Variants in NFIB observed in about 807,000 individuals in gnomAD.
NFIB encodes nuclear factor 1 B-type.
In NFIB, 11 loss-of-function variants were observed where a neutral mutation model predicts 61.5. The ratio of observed to expected loss-of-function variants is 0.18; its 90% confidence interval spans 0.11 to 0.30. The LOEUF is 0.30. Ranked by LOEUF, NFIB falls within the 10% of genes least tolerant of loss-of-function variation. NFIB has a pLI of 1.00. For synonymous variants in NFIB, 260 were observed against 216.5 expected, an observed-to-expected ratio of 1.20 and a Z score of -1.76; for missense variants, 471 against 608.9, an observed-to-expected ratio of 0.77 and a Z score of 2.38.
intron 5 of NFIB, 121 bp from the exon 6 acceptor site, chr9:14,146,928 G>A: frequency 1.6e-6 from 2 of 1,282,492 alleles, no homozygotes; most frequent in Non-Finnish European, 2.2e-6. Context: ...TAATAATGGT[G>A]AGTATAATGG....
At chr9:14,305,528 CATT>C (rs1239715369) in intron 2 of NFIB, among the ~76,000 whole-genome samples, 1 of 152,162 alleles carries the variant, frequency 6.6e-6, no homozygotes, top group African/African-American at 2.4e-5. Context: ...CCCAAACCAT[CATT>C]ATTTGGACTG....
chr9:14,356,793 C>G (rs2061181262), intron 1 of NFIB, among the ~76,000 whole-genome samples: 1 of 152,102 alleles, frequency 6.6e-6, no homozygotes, highest in South Asian at 2.1e-4. Flanking sequence ...TAGTGCATGC[C>G]ATACCAGTGG....
At chr9:14,463,012 G>C in the NFIB span, among the ~76,000 whole-genome samples, 1 of 152,008 alleles carries the variant, frequency 6.6e-6, no homozygotes, top group African/African-American at 2.4e-5. Context: ...CAATGGTAGA[G>C]TTTTCACAAA....
intron 6 of NFIB, among the ~76,000 whole-genome samples, chr9:14,142,594 T>C (rs1292101172): frequency 6.6e-6 from 1 of 151,428 alleles, no homozygotes; most frequent in Non-Finnish European, 1.5e-5. Flanking sequence ...TAAAGAAAAA[T>C]TTCAAAAAAA....
At chr9:14,203,576 C>T (rs2049295974) in intron 2 of NFIB, among the ~76,000 whole-genome samples, 3 of 151,474 alleles carry the variant, frequency 2.0e-5, no homozygotes, top group Admixed American at 6.6e-5. Context: ...GCCAGGAGCT[C>T]TCCGCGCGGG....
intron 2 of NFIB, among the ~76,000 whole-genome samples, chr9:14,274,924 T>G (rs1300774349): frequency 6.6e-6 from 1 of 152,148 alleles, no homozygotes; most frequent in African/African-American, 2.4e-5. Flanking sequence ...GTGAACTGTA[T>G]AGTAAGGTGG....
rs117838474 is a variant in NFIB at position 14,218,863 on chromosome 9, A to G, written c.563-39083T>C. On this transcript the variant is annotated intron_variant, in intron 2 of 10. Transcript: ENST00000380953. ...GTACCCTCCTTTTAACTTCTCCATC[A>G]TCAAAAGACATTTATTAAGTACCTA... Among the ~76,000 whole-genome samples the G allele has an allele frequency of 1.6e-3, 248 of 152,276 alleles. 8 individuals carry two copies. In the East Asian group the frequency reaches 0.045, roughly 28 times the overall value.
At chr9:14,219,750 T>C (rs1206902928) in intron 2 of NFIB, among the ~76,000 whole-genome samples, 2 of 152,196 alleles carry the variant, frequency 1.3e-5, no homozygotes, top group Non-Finnish European at 2.9e-5. Flanking sequence ...ATACTACATT[T>C]GATGGGATAT....
rs960514516 is a variant in NFIB, at chr9:14,082,785, GA to G, written c.*5523del. On this transcript the variant is annotated 3_prime_UTR_variant, in exon 11 of 11. Coordinates refer to ENST00000380953, the MANE Select transcript of NFIB (RefSeq NM_001190737.2). ...CCATACTTCTTAAAAAAAAAAAAAA[GA>G]AAAAAAAAGACTTCCTTCTGCATAA... is the stretch of plus-strand genomic sequence containing the variant. 13 of 165,616 alleles carry G rather than the reference GA, an allele frequency of 7.8e-5. No individual in the cohort carries two copies. The highest frequency in any genetic ancestry group is 1.4e-4 in the African/African-American group (5 of 36,130). 10.3% of individuals were successfully genotyped at this position (165,616 alleles called of 1,614,324 possible).
intron 3 of NFIB, among the ~76,000 whole-genome samples, chr9:14,171,345 T>C (rs1031378239): frequency 6.6e-6 from 1 of 152,242 alleles, no homozygotes; most frequent in African/African-American, 2.4e-5. Flanking sequence ...TTATCCAAAC[T>C]GTTCCATGCA....
At chr9:14,193,355 TATG>T (rs1303040521) in intron 2 of NFIB, among the ~76,000 whole-genome samples, 1 of 152,154 alleles carries the variant, frequency 6.6e-6, no homozygotes, top group Admixed American at 6.6e-5. Flanking sequence ...TTTTGTAAAA[TATG>T]ATACATTTAC....
the NFIB span, among the ~76,000 whole-genome samples, chr9:14,511,154 T>G: frequency 6.0e-3 from 919 of 152,314 alleles, 6 homozygotes; most frequent in African/African-American, 0.021. Context: ...CTTCTTTATC[T>G]TTCCAGTACT....
In NFIB at chr9:14,082,104, T is replaced by G. The variant is rs2032031877; in HGVS notation, c.*6205A>C. ...AACCTTCACTAACATTCTGGCCCAGTCTGGGGTTGATCCCAGAGGCCTGAA... is the reference window on the plus strand; with the variant it reads ...AACCTTCACTAACATTCTGGCCCAGGCTGGGGTTGATCCCAGAGGCCTGAA... On this transcript the variant is annotated 3_prime_UTR_variant, in exon 11 of 11. Coordinates refer to ENST00000380953, the MANE Select transcript of NFIB (RefSeq NM_001190737.2). 4.7e-6 allele frequency: 1 copy of G among 211,042 alleles called. No individual in the cohort carries two copies. Among genetic ancestry groups the G allele is most frequent in the South Asian group, 1.9e-4 (1 of 5,314 alleles). The allele number at this position is 211,042 out of a possible 1,614,324, so 13.1% of individuals were successfully genotyped here.
At chr9:14,384,924 C>G (rs1226884350) in intron 1 of NFIB, among the ~76,000 whole-genome samples, 2 of 152,132 alleles carry the variant, frequency 1.3e-5, no homozygotes, top group Non-Finnish European at 2.9e-5. Context: ...AATGTTAACC[C>G]TTCTCTTGAG....
chr9:14,293,096 T>C (rs901059554), intron 2 of NFIB, among the ~76,000 whole-genome samples: 1 of 152,214 alleles, frequency 6.6e-6, no homozygotes, highest in Non-Finnish European at 1.5e-5. Context: ...TTGGGACACT[T>C]TGACATCTGT....
the NFIB span, among the ~76,000 whole-genome samples, chr9:14,409,543 T>C: frequency 6.6e-6 from 1 of 152,282 alleles, no homozygotes; most frequent in Admixed American, 6.5e-5. Context: ...AAGGGAGTAC[T>C]TCTAGGGTTA....
At chr9:14,345,157 TTGAAAGGAGAGC>T (rs1254203395) in intron 1 of NFIB, among the ~76,000 whole-genome samples, 26 of 152,250 alleles carry the variant, frequency 1.7e-4, no homozygotes, top group Admixed American at 1.4e-3. Context: ...AGTCACTAAA[TTGAAAGGAGAGC>T]TGCTTTTTAT....
the NFIB span, among the ~76,000 whole-genome samples, chr9:14,450,126 T>C: frequency 1.3e-5 from 2 of 151,982 alleles, 1 homozygote; most frequent in South Asian, 4.2e-4. Flanking sequence ...CCCAGCCCCC[T>C]ACACTCCGAC....
chr9:14,151,422 T>C (rs2042858149), intron 4 of NFIB, among the ~76,000 whole-genome samples: 1 of 152,180 alleles, frequency 6.6e-6, no homozygotes, highest in South Asian at 2.1e-4. Flanking sequence ...AATAGTCTCA[T>C]ATATTGCCCT....
Sources: gnomAD v4.1 joint callset for allele counts (sites outside exome capture counted in the v4.1 genomes callset) on GRCh38, gnomAD v4.1.1 for gene constraint, MANE v1.5 for transcripts, NCBI Gene and HGNC (gene_info 2026-07-23, HGNC 2026-07-21) for gene names.